Variants in RMI1 observed in about 807,000 individuals in gnomAD.
RMI1 encodes the protein recQ-mediated genome instability protein 1.
A neutral mutation model predicts 46.7 loss-of-function variants in RMI1; 36 were observed. That is an observed-to-expected ratio of 0.77 (90% CI 0.59 to 1.02). The LOEUF (loss-of-function observed/expected upper bound fraction) is 1.02, where lower values mean the gene tolerates loss of function less well. RMI1 is among the 50% of genes least tolerant of loss of function. RMI1 has a pLI of 0.00. For missense variants in RMI1, 676 were observed against 713.7 expected (o/e 0.95, Z 0.60); for synonymous variants, 250 against 252.9 (o/e 0.99, Z 0.11).
chr9:83,990,890 C>CCCCG (rs1476568273), intron 1 of RMI1, among the ~76,000 whole-genome samples: 1 of 152,024 alleles, frequency 6.6e-6, no homozygotes, highest in African/African-American at 2.4e-5. Context: ...TCACCACAAC[C>CCCCG]CCCGCCTCCT....
chr9:83,998,505 A>G (rs1481630901), intron 1 of RMI1, among the ~76,000 whole-genome samples: 2 of 152,212 alleles, frequency 1.3e-5, no homozygotes, highest in South Asian at 2.1e-4. Flanking sequence ...GTACAGAACA[A>G]AAGAGGAGAA....
chr9:83,981,318 CA>C (rs992629243), intron 1 of RMI1, among the ~76,000 whole-genome samples: 2 of 152,216 alleles, frequency 1.3e-5, no homozygotes, highest in African/African-American at 4.8e-5. Context: ...AATTTTTAGG[CA>C]ATATGTATTG....
intron 1 of RMI1, among the ~76,000 whole-genome samples, chr9:83,986,977 GTTATT>G (rs1181382644): frequency 7.2e-5 from 11 of 152,270 alleles, no homozygotes; most frequent in African/African-American, 2.6e-4. Flanking sequence ...CCAGCACTGT[GTTATT>G]TAAATTTTAC....
At chr9:83,997,994 G>A (rs141926550) in intron 1 of RMI1, among the ~76,000 whole-genome samples, 17 of 151,870 alleles carry the variant, frequency 1.1e-4, no homozygotes, top group African/African-American at 3.1e-4. Flanking sequence ...ATGGGATCTT[G>A]CTTTGTTGCC....
rs1564087971 is a variant in RMI1, at chr9:84,003,657, AT to A, written c.*797del. On this transcript the variant is annotated 3_prime_UTR_variant, in exon 3 of 3. Coordinates refer to ENST00000445877, the MANE Select transcript of RMI1 (RefSeq NM_001358291.2). ...GATACAAATTGATTTACTGGTTTTTATTTTGCTGATTATAATATTTGGTATA... is the reference window on the plus strand; with the variant it reads ...GATACAAATTGATTTACTGGTTTTTATTTGCTGATTATAATATTTGGTATA... 1.2e-5 allele frequency: 2 copies of A among 166,366 alleles called. No individual in the cohort carries two copies. The highest frequency in any genetic ancestry group is 4.8e-5 in the African/African-American group (2 of 41,444). The allele number at this position is 166,366 out of a possible 1,614,324, so 10.3% of individuals were successfully genotyped here.
intron 2 of RMI1, 83 bp from the exon 3 acceptor site, chr9:84,000,868 G>A: frequency 1.4e-6 from 1 of 691,480 alleles, no homozygotes; most frequent in East Asian, 2.7e-5. Flanking sequence ...TAAAGGGTGT[G>A]CCTGTCTGTG....
chr9:83,998,101 T>A (rs1957685171), intron 1 of RMI1, among the ~76,000 whole-genome samples: 1 of 152,190 alleles, frequency 6.6e-6, no homozygotes, highest in Admixed American at 6.5e-5. Flanking sequence ...CCAGCCAAGA[T>A]AGGAAGTATT....
intron 1 of RMI1, 62 bp downstream of exon 1, chr9:83,980,953 C>T (rs1432767945): frequency 6.6e-6 from 1 of 152,344 alleles, no homozygotes; most frequent in African/African-American, 2.4e-5. Flanking sequence ...CCCGAAGCCC[C>T]TTACCCCGCC....
intron 1 of RMI1, among the ~76,000 whole-genome samples, chr9:83,995,614 G>A (rs1957639609): frequency 6.6e-6 from 1 of 151,972 alleles, no homozygotes; most frequent in South Asian, 2.1e-4. Flanking sequence ...TTTTGGTAGA[G>A]ACGGGGTTTC....
At chr9:83,986,851 C>T (rs1175413395) in intron 1 of RMI1, among the ~76,000 whole-genome samples, 1 of 152,210 alleles carries the variant, frequency 6.6e-6, no homozygotes, top group Non-Finnish European at 1.5e-5. Context: ...TGATTCATTT[C>T]TTTTGAAGTT....
chr9:83,982,690 A>C (rs1016217168), intron 1 of RMI1, among the ~76,000 whole-genome samples: 46 of 151,992 alleles, frequency 3.0e-4, no homozygotes, highest in African/African-American at 1.1e-3. Context: ...AAAAACAAAA[A>C]AAAAAACCTC....
Position 84,001,943 on chromosome 9 carries a change from C to T in RMI1, c.957C>T (p.Ala319=). Residue 319 remains alanine (A), a synonymous_variant, in exon 3 of 3, where the codon GCC becomes GCT. Coordinates refer to ENST00000445877, the MANE Select transcript of RMI1 (RefSeq NM_001358291.2). ...TAGATGACTTTTCACTGGAGGAGGCCTTGCTTTTAGAAGAAACTGTCCAGA... is the reference window on the plus strand; with the variant it reads ...TAGATGACTTTTCACTGGAGGAGGCTTTGCTTTTAGAAGAAACTGTCCAGA... ...GELDDFSLEE[A]LLLEETVQKE... 6.2e-7 allele frequency: 1 copy of T among 1,614,010 alleles called. No individual in the cohort carries two copies. The highest frequency in any genetic ancestry group is 8.5e-7 in the Non-Finnish European group (1 of 1,179,962).
At chr9:83,990,196 G>T (rs995404740) in intron 1 of RMI1, among the ~76,000 whole-genome samples, 2 of 152,104 alleles carry the variant, frequency 1.3e-5, no homozygotes, top group Non-Finnish European at 2.9e-5. Flanking sequence ...CAAAGGGTAG[G>T]AAGACAGATT....
At position 84,001,823 on chromosome 9, in the gene RMI1, C is replaced by T; in HGVS notation, c.837C>T (p.Pro279=). 6.2e-7 allele frequency: 1 copy of T among 1,614,024 alleles called. No individual in the cohort carries two copies. The highest frequency in any genetic ancestry group is 8.5e-7 in the Non-Finnish European group (1 of 1,179,952). Residue 279 remains proline (P), a synonymous_variant, in exon 3 of 3, where the codon CCC becomes CCT. Coordinates refer to ENST00000445877, the MANE Select transcript of RMI1 (RefSeq NM_001358291.2). ...CAGGTAGTTCCTCAAATACCATTCCCACAAGACAGTCAAGTTTTGAGCCAG... is the reference window on the plus strand; with the variant it reads ...CAGGTAGTTCCTCAAATACCATTCCTACAAGACAGTCAAGTTTTGAGCCAG... ...FTTGSSSNTI[P]TRQSSFEPEF... is the part of the protein sequence containing the mutation.
chr9:83,989,842 A>G (rs1408064891), intron 1 of RMI1, among the ~76,000 whole-genome samples: 1 of 152,216 alleles, frequency 6.6e-6, no homozygotes, highest in East Asian at 1.9e-4. Flanking sequence ...TTCACCACAA[A>G]GTATAAACTA....
chr9:83,994,677 C>A (rs1957623889), intron 1 of RMI1, among the ~76,000 whole-genome samples: 1 of 152,116 alleles, frequency 6.6e-6, no homozygotes, highest in Non-Finnish European at 1.5e-5. Context: ...TGACATCACA[C>A]CTGGCTGATT....
At position 84,003,463 on chromosome 9, in the gene RMI1, A is replaced by T. The variant is rs1484828682; in HGVS notation, c.*599A>T. On this transcript the variant is annotated 3_prime_UTR_variant, in exon 3 of 3. Transcript: ENST00000445877. ...GTGAGTCATATTTTTGAAAGTTAAT[A>T]ATTATAAATAGGTAATTTCCTTCTA... is the stretch of plus-strand genomic sequence containing the variant. The T allele has an allele frequency of 1.2e-5, 2 of 167,084 alleles. No homozygotes were observed. Among genetic ancestry groups the T allele is most frequent in the Non-Finnish European group, 2.9e-5 (2 of 68,146 alleles). 10.4% of individuals were successfully genotyped at this position (167,084 alleles called of 1,614,324 possible).
chr9:83,992,746 G>A (rs1005702381), intron 1 of RMI1, among the ~76,000 whole-genome samples: 1 of 152,148 alleles, frequency 6.6e-6, no homozygotes, highest in Non-Finnish European at 1.5e-5. Context: ...ATTGACTTTT[G>A]TGCTATATAT....
chr9:83,989,584 T>C (rs1005800727), intron 1 of RMI1, among the ~76,000 whole-genome samples: 1 of 151,718 alleles, frequency 6.6e-6, no homozygotes, highest in Non-Finnish European at 1.5e-5. Flanking sequence ...TGAAAAAATA[T>C]TCGACATCGT....
Sources: gnomAD v4.1 joint callset for allele counts (sites outside exome capture counted in the v4.1 genomes callset) on GRCh38, gnomAD v4.1.1 for gene constraint, MANE v1.5 for transcripts, NCBI Gene and HGNC (gene_info 2026-07-23, HGNC 2026-07-21) for gene names.